Variants in RSRC1 observed in about 807,000 individuals in gnomAD.
RSRC1 encodes the protein arginine and serine rich coiled-coil 1, also known as serine/Arginine-related protein 53.
RSRC1 carries 39 observed loss-of-function variants against 49.1 expected under a neutral mutation model. The observed-to-expected ratio is 0.79, with a 90% CI of 0.61 to 1.04. The LOEUF is 1.04. RSRC1 is among the 50% of genes least tolerant of loss of function. The pLI is 0.00. For missense variants in RSRC1, 388 were observed against 402.4 expected (o/e 0.96, Z 0.31); for synonymous variants, 143 against 130.8 (o/e 1.09, Z -0.63).
intron 4 of RSRC1, among the ~76,000 whole-genome samples, chr3:158,235,292 A>C (rs1038308961): frequency 2.6e-5 from 4 of 152,138 alleles, no homozygotes; most frequent in African/African-American, 9.7e-5. Flanking sequence ...TTATGCAAAT[A>C]ACCCTGATTA....
At chr3:158,379,491 C>G (rs997208349) in intron 6 of RSRC1, among the ~76,000 whole-genome samples, 1 of 152,128 alleles carries the variant, frequency 6.6e-6, no homozygotes, top group Non-Finnish European at 1.5e-5. Context: ...TGAGCCACCA[C>G]ACCTGGCCAG....
At chr3:158,160,088 G>C (rs573799135) in intron 3 of RSRC1, among the ~76,000 whole-genome samples, 1 of 152,228 alleles carries the variant, frequency 6.6e-6, no homozygotes, top group South Asian at 2.1e-4. Context: ...TTGTGAGTAT[G>C]AATGAGAAGG....
intron 7 of RSRC1, among the ~76,000 whole-genome samples, chr3:158,494,534 A>G (rs906389778): frequency 6.6e-6 from 1 of 152,184 alleles, no homozygotes; most frequent in Non-Finnish European, 1.5e-5. Flanking sequence ...AATTAACCTT[A>G]GCTTACTGTA....
At chr3:158,244,496 T>A (rs896244781) in intron 4 of RSRC1, among the ~76,000 whole-genome samples, 2 of 152,180 alleles carry the variant, frequency 1.3e-5, no homozygotes, top group African/African-American at 4.8e-5. Context: ...GGATAAGCTT[T>A]TTGATGTGCT....
chr3:158,382,798 T>A (rs1732769727), intron 6 of RSRC1, among the ~76,000 whole-genome samples: 1 of 152,252 alleles, frequency 6.6e-6, no homozygotes, highest in South Asian at 2.1e-4. Flanking sequence ...ATGCAGTATT[T>A]TCATTTGGTC....
At chr3:158,486,218 A>G (rs1306148038) in intron 7 of RSRC1, among the ~76,000 whole-genome samples, 1 of 152,198 alleles carries the variant, frequency 6.6e-6, no homozygotes, top group East Asian at 1.9e-4. Flanking sequence ...TTGATAAATC[A>G]CATTCTAATG....
intron 6 of RSRC1, among the ~76,000 whole-genome samples, chr3:158,375,811 G>T (rs555745318): frequency 1.6e-3 from 250 of 152,118 alleles, no homozygotes; most frequent in Middle Eastern, 3.4e-3. Context: ...TAAATTTACT[G>T]TGTAATTTAT....
At chr3:158,290,377 A>C (rs915425908) in intron 4 of RSRC1, among the ~76,000 whole-genome samples, 1 of 152,162 alleles carries the variant, frequency 6.6e-6, no homozygotes, top group Admixed American at 6.5e-5. Flanking sequence ...GGTTCACGCC[A>C]TTCTCCTGCC....
intron 7 of RSRC1, among the ~76,000 whole-genome samples, chr3:158,481,813 G>A (rs1209023572): frequency 6.6e-6 from 1 of 151,948 alleles, no homozygotes; most frequent in Admixed American, 6.6e-5. Flanking sequence ...TTTCTATTTG[G>A]ATGAACTCCT....
intron 6 of RSRC1, among the ~76,000 whole-genome samples, chr3:158,405,892 A>G (rs1734139638): frequency 6.6e-6 from 1 of 152,130 alleles, no homozygotes; most frequent in African/African-American, 2.4e-5. Context: ...TTAAATTTAC[A>G]TTATTCTTAA....
At chr3:158,537,874 A>G (rs1712805468) in intron 8 of RSRC1, among the ~76,000 whole-genome samples, 2 of 151,852 alleles carry the variant, frequency 1.3e-5, no homozygotes, top group East Asian at 3.9e-4. Flanking sequence ...TATCCTGTTG[A>G]TGTCTCCTGA....
intron 7 of RSRC1, among the ~76,000 whole-genome samples, chr3:158,521,410 C>G (rs1445294354): frequency 6.6e-6 from 1 of 152,056 alleles, no homozygotes; most frequent in African/African-American, 2.4e-5. Flanking sequence ...CCTGATCTTT[C>G]CATTAGTTCC....
intron 7 of RSRC1, among the ~76,000 whole-genome samples, chr3:158,508,443 A>G (rs1739976920): frequency 7.4e-6 from 1 of 134,380 alleles, no homozygotes; most frequent in South Asian, 2.7e-4. Flanking sequence ...TATCCACAAT[A>G]TATAACTAAA....
chr3:158,135,435 A>G (rs1265757092), intron 3 of RSRC1, among the ~76,000 whole-genome samples: 3 of 136,952 alleles, frequency 2.2e-5, no homozygotes, highest in South Asian at 2.4e-4. Context: ...ACACCCAGCT[A>G]TTTTTTTTTT....
At chr3:158,306,216 T>A (rs562296450) in intron 5 of RSRC1, among the ~76,000 whole-genome samples, 1 of 152,116 alleles carries the variant, frequency 6.6e-6, no homozygotes, top group South Asian at 2.1e-4. Context: ...CTTGTCTTAA[T>A]AGTTACCACT....
chr3:158,332,471 A>C (rs1483295189), intron 5 of RSRC1, among the ~76,000 whole-genome samples: 1 of 152,198 alleles, frequency 6.6e-6, no homozygotes, highest in African/African-American at 2.4e-5. Flanking sequence ...GAGCAGGAGT[A>C]GGTGTCAAAA....
At chr3:158,404,509 G>A (rs879789029) in intron 6 of RSRC1, among the ~76,000 whole-genome samples, 6 of 151,816 alleles carry the variant, frequency 4.0e-5, no homozygotes, top group Admixed American at 1.3e-4. Context: ...TTGTTTTGTC[G>A]TCATGCTTTT....
chr3:158,265,441 G>A (rs1725116057), intron 4 of RSRC1, among the ~76,000 whole-genome samples: 1 of 152,018 alleles, frequency 6.6e-6, no homozygotes, highest in Non-Finnish European at 1.5e-5. Context: ...GACCAGCCTG[G>A]CCAAGATGGT....
intron 7 of RSRC1, among the ~76,000 whole-genome samples, chr3:158,532,557 C>G (rs1197828792): frequency 6.6e-6 from 1 of 151,728 alleles, no homozygotes; most frequent in African/African-American, 2.4e-5. Context: ...CTATAAACAT[C>G]AACAGTAACT....
Sources: gnomAD v4.1 joint callset for allele counts (sites outside exome capture counted in the v4.1 genomes callset) on GRCh38, gnomAD v4.1.1 for gene constraint, MANE v1.5 for transcripts, NCBI Gene and HGNC (gene_info 2026-07-23, HGNC 2026-07-21) for gene names.